SLC7A13: variants seen among roughly 807,000 people sequenced by gnomAD.
SLC7A13 encodes the protein X-amino acid transporter 2.
Under a neutral mutation model 32.0 loss-of-function variants are expected in SLC7A13, and 31 were observed. The observed-to-expected ratio is 0.97, with a 90% confidence interval of 0.73 to 1.31. SLC7A13 has a LOEUF of 1.31. SLC7A13 is among the 50% of genes most tolerant of loss of function. The probability of loss-of-function intolerance (pLI) is 0.00; values close to 1 mark genes in which losing one functional copy is unlikely to be tolerated. For missense variants in SLC7A13, 633 were observed against 546.9 expected, an observed-to-expected ratio of 1.16 and a Z score of -1.57; for synonymous variants, 232 against 206.9, an observed-to-expected ratio of 1.12 and a Z score of -1.04.
At chr8:86,225,680 G>T (rs1229483721) in intron 1 of SLC7A13, among the ~76,000 whole-genome samples, 1 of 152,050 alleles carries the variant, frequency 6.6e-6, no homozygotes, top group African/African-American at 2.4e-5. Flanking sequence ...CCAGCACTTT[G>T]GGAGGTCAAG....
chr8:86,227,534 C>G (rs1820408555), intron 1 of SLC7A13, among the ~76,000 whole-genome samples: 1 of 152,090 alleles, frequency 6.6e-6, no homozygotes, highest in Non-Finnish European at 1.5e-5. Flanking sequence ...ACTTAAGAAC[C>G]TACAAAGAAC....
chr8:86,226,818 A>C (rs1178189635), intron 1 of SLC7A13, among the ~76,000 whole-genome samples: 1 of 152,158 alleles, frequency 6.6e-6, no homozygotes, highest in Non-Finnish European at 1.5e-5. Flanking sequence ...TCTATTCTCC[A>C]CGGCTTCACT....
chr8:86,229,536 TTC>T, intron 1 of SLC7A13, 55 bp downstream of exon 1: 1 of 1,381,274 alleles, frequency 7.2e-7, no homozygotes, highest in Non-Finnish European at 1.0e-6. Context: ...TGATATGCAT[TTC>T]ATATTGTATG....
At chr8:86,224,190 T>A (rs1820352246) in intron 1 of SLC7A13, among the ~76,000 whole-genome samples, 1 of 152,210 alleles carries the variant, frequency 6.6e-6, no homozygotes, top group African/African-American at 2.4e-5. Context: ...TATGTGACAA[T>A]GTGACAGTTT....
Position 86,223,408 on chromosome 8 carries a change from A to T in SLC7A13, c.686-305T>A, listed in dbSNP as rs568312930. Among the ~76,000 whole-genome samples, 43 of 152,258 alleles carry T rather than the reference A, an allele frequency of 2.8e-4. 1 individual carries two copies. The South Asian group carries it at 6.2e-3, about 22-fold the overall frequency. On this transcript the variant is annotated intron_variant, in intron 1 of 3. Coordinates refer to ENST00000297524, the MANE Select transcript of SLC7A13 (RefSeq NM_138817.3). Reference sequence around the variant, plus strand: ...CACATTTTGTAGTTAATTATGAGTGAGAAGGTATAATATTTCTTTCTATTT... The same window carrying T: ...CACATTTTGTAGTTAATTATGAGTGTGAAGGTATAATATTTCTTTCTATTT...
At chr8:86,226,972 G>T (rs1385677153) in intron 1 of SLC7A13, among the ~76,000 whole-genome samples, 2 of 152,068 alleles carry the variant, frequency 1.3e-5, no homozygotes, top group Non-Finnish European at 1.5e-5. Flanking sequence ...CAAATTATTT[G>T]TTTATAAGGC....
chr8:86,217,977 G>T, intron 2 of SLC7A13, 146 bp from the exon 3 acceptor site: 1 of 876,090 alleles, frequency 1.1e-6, no homozygotes, highest in Non-Finnish European at 1.7e-6. Flanking sequence ...TATTTCCTTA[G>T]TTACACCTAC....
intron 1 of SLC7A13, among the ~76,000 whole-genome samples, chr8:86,226,283 C>T (rs914864111): frequency 6.6e-6 from 1 of 152,142 alleles, no homozygotes; most frequent in Non-Finnish European, 1.5e-5. Context: ...GCTCGTTATG[C>T]CAGCTGCTGA....
At position 86,230,069 on chromosome 8, in the gene SLC7A13, A is replaced by C; in HGVS notation, c.209T>G (p.Ile70Arg). The change falls in exon 1 of 4, where the codon ATA (isoleucine) becomes AGA (arginine). Residue 70 changes from isoleucine to arginine, a missense_variant. Coordinates refer to ENST00000297524, the MANE Select transcript of SLC7A13 (RefSeq NM_138817.3). ...AMTSTLCSAE[I>R]SISFPCSGAQ... is the part of the protein sequence containing the mutation. ...TCCACTGCATGGGAAGCTTATACTT[A>C]TCTCTGCAGAGCAAAGAGTTGATGT... The C allele has an allele frequency of 6.2e-7, 1 of 1,614,208 alleles. No homozygotes were observed. The highest frequency in any genetic ancestry group is 2.2e-5 in the East Asian group (1 of 44,876).
At chr8:86,229,511 T>C (rs1392585108) in intron 1 of SLC7A13, 82 bp downstream of exon 1, 34 of 1,251,582 alleles carry the variant, frequency 2.7e-5, no homozygotes, top group Non-Finnish European at 3.8e-5. Context: ...CATTTAAGAC[T>C]CAAAATACAA....
In SLC7A13 at chr8:86,217,498, TG is replaced by T; in HGVS notation, c.1150del (p.Gln384ArgfsTer17). ...LMIGILRRRY[Q>X]EPNLSIPYKV... Reference sequence around the variant, plus strand: ...ATAAGGTATAGATAGATTGGGTTCCTGGTATCTCCGCCTTAGTATTCCTATC... The same window carrying T: ...ATAAGGTATAGATAGATTGGGTTCCTGTATCTCCGCCTTAGTATTCCTATC... On this transcript the variant is annotated frameshift_variant, in exon 3 of 4. Coordinates refer to ENST00000297524, the MANE Select transcript of SLC7A13 (RefSeq NM_138817.3). LOFTEE classifies it low-confidence loss of function (END_TRUNC). 6.3e-7 allele frequency: 1 copy of T among 1,590,822 alleles called. No homozygotes were observed. The highest frequency in any genetic ancestry group is 1.4e-5 in the African/African-American group (1 of 73,684).
chr8:86,229,950 C>T lies in SLC7A13; in HGVS notation c.328G>A (p.Gly110Ser). Residue 110 changes from glycine (G) to serine (S), a missense_variant, in exon 1 of 4, where the codon GGC becomes AGC. Transcript: ENST00000297524. Reference protein sequence around the residue: ...SLFLGSGVVAGQALLLAEYSI... With the variant: ...SLFLGSGVVASQALLLAEYSI... ...TACTCAGCAAGGAGCAGAGCTTGGCCAGCAACTACCCCTGACCCCAGAAAC... is the reference window on the plus strand; with the variant it reads ...TACTCAGCAAGGAGCAGAGCTTGGCTAGCAACTACCCCTGACCCCAGAAAC... 1 of 1,614,188 alleles carries T rather than the reference C, an allele frequency of 6.2e-7. No individual in the cohort carries two copies. The highest frequency in any genetic ancestry group is 8.5e-7 in the Non-Finnish European group (1 of 1,180,030).
chr8:86,221,316 T>G (rs900080083), intron 2 of SLC7A13, among the ~76,000 whole-genome samples: 3 of 152,152 alleles, frequency 2.0e-5, no homozygotes. Context: ...TTATTGGATA[T>G]TTTTATGGTT....
chr8:86,223,947 G>T (rs1820347217), intron 1 of SLC7A13, among the ~76,000 whole-genome samples: 1 of 152,062 alleles, frequency 6.6e-6, no homozygotes, highest in Non-Finnish European at 1.5e-5. Flanking sequence ...TGAAATCGGA[G>T]CCCATAAGTC....
At chr8:86,217,431 G>C (rs1271647355) in intron 3 of SLC7A13, 39 bp downstream of exon 3, 4 of 1,479,518 alleles carry the variant, frequency 2.7e-6, no homozygotes, top group Non-Finnish European at 3.6e-6. Flanking sequence ...CTCAATATCT[G>C]TTATTTCACA....
intron 2 of SLC7A13, among the ~76,000 whole-genome samples, chr8:86,218,898 C>A (rs1820241034): frequency 6.6e-6 from 1 of 152,056 alleles, no homozygotes. Context: ...TCCTTGGAGC[C>A]TATGTTCTTG....
intron 1 of SLC7A13, among the ~76,000 whole-genome samples, chr8:86,224,303 T>C (rs990777257): frequency 5.9e-5 from 9 of 152,168 alleles, no homozygotes; most frequent in African/African-American, 2.4e-5. Flanking sequence ...ATGTGGAATG[T>C]TCTTTCCTAG....
At chr8:86,215,412 G>A (rs1287662841) in intron 3 of SLC7A13, 2 of 172,062 alleles carry the variant, frequency 1.2e-5, no homozygotes, top group Non-Finnish European at 1.3e-5. Context: ...TCTTGGCCGG[G>A]CACAGTTGCT....
At chr8:86,215,214 C>G (rs1820159377) in intron 3 of SLC7A13, among the ~76,000 whole-genome samples, 1 of 152,092 alleles carries the variant, frequency 6.6e-6, no homozygotes, top group East Asian at 1.9e-4. Context: ...TCCCTGGTAC[C>G]TGCTTTGTGT....
Sources: allele counts gnomAD v4.1 joint callset (sites outside exome capture counted in the v4.1 genomes callset), GRCh38; gene constraint gnomAD v4.1.1; transcripts MANE v1.5; gene names NCBI Gene and HGNC (gene_info 2026-07-23, HGNC 2026-07-21).